The following ELAPOR1 variants were observed in gnomAD, a reference collection of about 807,000 sequenced individuals.
The protein encoded by ELAPOR1 is endosome-lysosome associated apoptosis and autophagy regulator 1.
In ELAPOR1, 77 loss-of-function variants were observed where a neutral mutation model predicts 119.7. The ratio of observed to expected loss-of-function variants is 0.64; its 90% confidence interval spans 0.54 to 0.78. The LOEUF is 0.78. Among genes scored for constraint, ELAPOR1 ranks in the 30% least tolerant of loss-of-function variants. The pLI, the probability that ELAPOR1 is intolerant of heterozygous loss-of-function variation, is 0.00. For missense variants in ELAPOR1, 1,115 were observed against 1,270.4 expected (o/e 0.88, Z 1.86); for synonymous variants, 481 against 487.2 (o/e 0.99, Z 0.17).
chr1:109,171,943 A>T lies in ELAPOR1; in HGVS notation c.545A>T (p.Asn182Ile), dbSNP rs774398734. ...ACAGCCACACTGATGTACGCCGTCAACCTGAAGCAATCTGGCACCGTTAAC... is the reference window on the plus strand; with the variant it reads ...ACAGCCACACTGATGTACGCCGTCATCCTGAAGCAATCTGGCACCGTTAAC... The part of the protein sequence containing the change: ...ECTATLMYAV[N>I]LKQSGTVNFE... The change falls in exon 4 of 22, where the codon AAC becomes ATC. Residue 182 changes from asparagine to isoleucine, a missense_variant. By Grantham distance (149) the Asn-to-Ile change is moderately radical. Coordinates refer to ENST00000369939, the MANE Select transcript of ELAPOR1 (RefSeq NM_020775.5). 2 of 1,614,210 alleles carry T rather than the reference A, an allele frequency of 1.2e-6. No individual in the cohort carries two copies. Among genetic ancestry groups the T allele is most frequent in the East Asian group, 4.5e-5 (2 of 44,884 alleles).
At chr1:109,162,118 T>A in intron 2 of ELAPOR1, 104 bp downstream of exon 2, 1 of 1,302,798 alleles carries the variant, frequency 7.7e-7, no homozygotes, top group Non-Finnish European at 1.1e-6. Context: ...GCAGCTGCAT[T>A]AAGGAATCAG....
chr1:109,182,987 C>T (rs1040814690), intron 7 of ELAPOR1, among the ~76,000 whole-genome samples: 2 of 151,914 alleles, frequency 1.3e-5, no homozygotes, highest in East Asian at 1.9e-4. Context: ...CAGTCATATT[C>T]GAAGTAGTGG....
chr1:109,126,147 T>C (rs1182989263), intron 1 of ELAPOR1, among the ~76,000 whole-genome samples: 4 of 152,226 alleles, frequency 2.6e-5, no homozygotes, highest in Admixed American at 1.3e-4. Context: ...TGAGAGATTA[T>C]TTCAAGGAGA....
At chr1:109,128,185 C>G (rs1648916018) in intron 1 of ELAPOR1, among the ~76,000 whole-genome samples, 1 of 151,570 alleles carries the variant, frequency 6.6e-6, no homozygotes, top group African/African-American at 2.4e-5. Context: ...ATTAAAGGCA[C>G]TTTTAAAAGA....
intron 1 of ELAPOR1, among the ~76,000 whole-genome samples, chr1:109,118,282 G>GTTTTT (rs1434900208): frequency 6.6e-6 from 1 of 152,198 alleles, no homozygotes; most frequent in Non-Finnish European, 1.5e-5. Flanking sequence ...AGGTCCACAT[G>GTTTTT]TGGAAAATGC....
chr1:109,175,182 G>A (rs940067242), intron 7 of ELAPOR1, among the ~76,000 whole-genome samples: 1 of 151,648 alleles, frequency 6.6e-6, no homozygotes, highest in African/African-American at 2.4e-5. Context: ...TTTAAGTGGT[G>A]AATTTTTATT....
At chr1:109,124,952 A>G (rs1010923791) in intron 1 of ELAPOR1, among the ~76,000 whole-genome samples, 17 of 152,090 alleles carry the variant, frequency 1.1e-4, no homozygotes, top group Non-Finnish European at 2.5e-4. Flanking sequence ...TGAGAGAGAC[A>G]GAATCTTGCT....
At chr1:109,177,261 G>A (rs1177170627) in intron 7 of ELAPOR1, among the ~76,000 whole-genome samples, 7 of 142,816 alleles carry the variant, frequency 4.9e-5, no homozygotes, top group African/African-American at 1.1e-4. Flanking sequence ...CCTCCCGGAC[G>A]GGGCGGCTGC....
intron 7 of ELAPOR1, among the ~76,000 whole-genome samples, chr1:109,176,135 T>G (rs1474117566): frequency 6.6e-6 from 1 of 152,164 alleles, no homozygotes; most frequent in Admixed American, 6.5e-5. Context: ...CCTGTTTTTA[T>G]TGTTTGAGGA....
chr1:109,196,712 C>T (rs1212386456), intron 15 of ELAPOR1, among the ~76,000 whole-genome samples: 1 of 149,264 alleles, frequency 6.7e-6, no homozygotes, highest in African/African-American at 2.5e-5. Flanking sequence ...GAGGTGGAGT[C>T]TCACTCTTTT....
chr1:109,156,592 T>G (rs1296009441), intron 1 of ELAPOR1, among the ~76,000 whole-genome samples: 3 of 152,276 alleles, frequency 2.0e-5, no homozygotes, highest in Non-Finnish European at 1.5e-5. Context: ...TTTGTCTTTA[T>G]GACTGGCTTA....
At chr1:109,187,257 T>C in intron 8 of ELAPOR1, 1 of 985,408 alleles carries the variant, frequency 1.0e-6, no homozygotes, top group Non-Finnish European at 1.2e-6. Context: ...CCTAGGACTC[T>C]CCTCTCCCTG....
At chr1:109,186,910 G>A in intron 8 of ELAPOR1, 1 of 985,544 alleles carries the variant, frequency 1.0e-6, no homozygotes, top group Non-Finnish European at 1.2e-6. Context: ...TCAGACCAAA[G>A]CCTGTGTTCC....
chr1:109,154,076 G>A (rs1163744001), intron 1 of ELAPOR1, among the ~76,000 whole-genome samples: 1 of 151,560 alleles, frequency 6.6e-6, no homozygotes, highest in Non-Finnish European at 1.5e-5. Context: ...GAGGTCGGGA[G>A]TTTGAGATCA....
Position 109,205,282 on chromosome 1 carries a change from A to G in ELAPOR1, c.*2270A>G, listed in dbSNP as rs1654422095. On this transcript the variant is annotated 3_prime_UTR_variant, in exon 22 of 22. Transcript: ENST00000369939. ...TCTCCAGTGACCATTTGGTGACCAG[A>G]TGGTAGATATAGAAAGGGGATGGCA... 6.6e-6 allele frequency: 1 copy of G among 152,146 alleles called. No individual in the cohort carries two copies. Among genetic ancestry groups the G allele is most frequent in the African/African-American group, 2.4e-5 (1 of 41,418 alleles). The allele number at this position is 152,146 out of a possible 1,614,324, so 9.4% of individuals were successfully genotyped here.
At chr1:109,183,176 A>C (rs924313784) in intron 7 of ELAPOR1, among the ~76,000 whole-genome samples, 14 of 152,174 alleles carry the variant, frequency 9.2e-5, no homozygotes, top group South Asian at 2.1e-4. Flanking sequence ...TAAAATCAAA[A>C]AAAGTTAAAC....
intron 10 of ELAPOR1, among the ~76,000 whole-genome samples, 185 bp downstream of exon 10, chr1:109,189,379 G>T (rs528401660): frequency 1.3e-5 from 2 of 152,220 alleles, no homozygotes; most frequent in Non-Finnish European, 2.9e-5. Flanking sequence ...AAGGAACAGA[G>T]CTAGAAACAT....
chr1:109,178,817 T>C (rs987026307), intron 7 of ELAPOR1, among the ~76,000 whole-genome samples: 7 of 151,768 alleles, frequency 4.6e-5, no homozygotes, highest in African/African-American at 1.7e-4. Flanking sequence ...ATACAAAAAT[T>C]AGCTGGGTGT....
At chr1:109,130,096 T>G (rs1341334149) in intron 1 of ELAPOR1, among the ~76,000 whole-genome samples, 2 of 152,198 alleles carry the variant, frequency 1.3e-5, no homozygotes, top group Non-Finnish European at 2.9e-5. Flanking sequence ...CTCTTGTGTG[T>G]GTCTCTGGGT....
Sources: allele counts gnomAD v4.1 joint callset (sites outside exome capture counted in the v4.1 genomes callset), GRCh38; gene constraint gnomAD v4.1.1; transcripts MANE v1.5; gene names NCBI Gene and HGNC (gene_info 2026-07-23, HGNC 2026-07-21).